Variants in NPAP1 observed in about 807,000 individuals in gnomAD.
NPAP1 encodes nuclear pore associated protein 1.
For missense variants in NPAP1, 1,483 were observed against 1,454.5 expected (o/e 1.02, Z -0.32); for synonymous variants, 616 against 581.4 (o/e 1.06, Z -0.86).
rs761376976 is a variant in NPAP1, at chr15:24,678,677, G to A, written c.2810G>A (p.Ser937Asn). The change falls in exon 1 of 1, where the codon AGT becomes AAT. Residue 937 changes from serine (S) to asparagine (N), a missense_variant. Ser to Asn is a conservative substitution (Grantham distance 46). Transcript: ENST00000329468. The part of the protein sequence containing the change: ...GLTSPSVQPL[S>N]GSIIPPGFAE... ...ACATCTCCTTCAGTCCAGCCACTGA[G>A]TGGCAGCATAATTCCACCAGGTTTT... The A allele has an allele frequency of 5.0e-6, 8 of 1,614,188 alleles. No individual in the cohort carries two copies. The highest frequency in any genetic ancestry group is 6.8e-6 in the Non-Finnish European group (8 of 1,180,044).
At position 24,677,332 on chromosome 15, in the gene NPAP1, G is replaced by A. The variant is rs985014707; in HGVS notation, c.1465G>A (p.Gly489Arg). ...AGGAGGCTCTTATAATTCAGTCGTAGGAGCAGCGCCTCTCACTTCTGACCC... is the reference window on the plus strand; with the variant it reads ...AGGAGGCTCTTATAATTCAGTCGTAAGAGCAGCGCCTCTCACTTCTGACCC... ...EKGGSYNSVV[G>R]AAPLTSDPPT... Residue 489 changes from glycine (G) to arginine (R), a missense_variant, in exon 1 of 1, where the codon GGA (glycine) becomes AGA (arginine). Transcript: ENST00000329468. 6.2e-7 allele frequency: 1 copy of A among 1,613,998 alleles called. No homozygotes were observed. Among genetic ancestry groups the A allele is most frequent in the South Asian group, 1.1e-5 (1 of 91,078 alleles).
In NPAP1 at chr15:24,677,617, T is replaced by A. The variant is rs374388831; in HGVS notation, c.1750T>A (p.Ser584Thr). The A allele has an allele frequency of 8.6e-5, 139 of 1,614,016 alleles. No homozygotes were observed. The highest frequency in any genetic ancestry group is 1.1e-4 in the Non-Finnish European group (135 of 1,180,040). The change falls in exon 1 of 1, where the codon TCT becomes ACT. Residue 584 changes from serine (S) to threonine (T), a missense_variant. Transcript: ENST00000329468. ...AGTTAATATGGATACTACTGCCCCA[T>A]CTCAGGTTGTTATTTTCACATCTTC... is the stretch of plus-strand genomic sequence containing the variant. ...EVVNMDTTAPSQVVIFTSSLS... is the reference protein window; with the variant it reads ...EVVNMDTTAPTQVVIFTSSLS...
At position 24,678,968 on chromosome 15, in the gene NPAP1, G is replaced by A. The variant is rs766369298; in HGVS notation, c.3101G>A (p.Gly1034Glu). 5 of 1,613,996 alleles carry A rather than the reference G, an allele frequency of 3.1e-6. No individual in the cohort carries two copies. The Admixed American group carries it at 5.0e-5, about 16-fold the overall frequency. ...MSAPGPSSTS[G>E]ELNIGQGQSG... is the part of the protein sequence containing the mutation. ...GCCCCAGGCCCCAGTTCCACATCAG[G>A]AGAACTCAACATTGGACAAGGACAG... The change falls in exon 1 of 1, where the codon GGA (glycine) becomes GAA (glutamate). Residue 1034 changes from glycine (G) to glutamate (E), a missense_variant. Gly to Glu is a moderately conservative substitution (Grantham distance 98, BLOSUM62 -2). Transcript: ENST00000329468.
rs2141309097 is a variant in NPAP1, at chr15:24,676,907, A to G, written c.1040A>G (p.Asp347Gly). Residue 347 changes from aspartate to glycine, a missense_variant, in exon 1 of 1, where the codon GAT becomes GGT. Coordinates refer to ENST00000329468, the MANE Select transcript of NPAP1 (RefSeq NM_018958.3). ...PLPPSLPLLW[D>G]RGELPPPAKL... ...CCCCCTTCACTGCCATTGCTGTGGG[A>G]TCGAGGTGAGCTTCCCCCACCTGCT... 6.2e-7 allele frequency: 1 copy of G among 1,613,666 alleles called. No individual in the cohort carries two copies. Among genetic ancestry groups the G allele is most frequent in the East Asian group, 2.2e-5 (1 of 44,858 alleles).
chr15:24,677,559 C>G lies in NPAP1; in HGVS notation c.1692C>G (p.His564Gln), dbSNP rs762577509. ...CTGTCACAACAAACGCATCTGCCCACCTAACCTCACAGACTGCGGTAGACC... is the reference window on the plus strand; with the variant it reads ...CTGTCACAACAAACGCATCTGCCCAGCTAACCTCACAGACTGCGGTAGACC... ...ISTVTTNASA[H>Q]LTSQTAVDPE... Residue 564 changes from histidine (H) to glutamine (Q), a missense_variant, in exon 1 of 1, where the codon CAC becomes CAG. By Grantham distance (24) the His-to-Gln change is conservative. Coordinates refer to ENST00000329468, the MANE Select transcript of NPAP1 (RefSeq NM_018958.3). The G allele has an allele frequency of 1.9e-6, 3 of 1,614,066 alleles. No individual in the cohort carries two copies. Among genetic ancestry groups the G allele is most frequent in the African/African-American group, 1.3e-5 (1 of 74,932 alleles).
At position 24,679,448 on chromosome 15, in the gene NPAP1, C is replaced by T; in HGVS notation, c.*110C>T. 1 of 816,232 alleles carries T rather than the reference C, an allele frequency of 1.2e-6. No homozygotes were observed. The highest frequency in any genetic ancestry group is 2.0e-6 in the Non-Finnish European group (1 of 501,462). 50.6% of individuals were successfully genotyped at this position (816,232 alleles called of 1,614,324 possible). ...TTTCATCTTCATGCCAAGCACCTGCCATGTACCTCTCCAGAACTCAGGTTG... is the reference window on the plus strand; with the variant it reads ...TTTCATCTTCATGCCAAGCACCTGCTATGTACCTCTCCAGAACTCAGGTTG... On this transcript the variant is annotated 3_prime_UTR_variant, in exon 1 of 1. Transcript: ENST00000329468.
rs2141308224 is a variant in NPAP1 at position 24,676,532 on chromosome 15, G to A, written c.665G>A (p.Ser222Asn). 6.2e-7 allele frequency: 1 copy of A among 1,614,138 alleles called. No homozygotes were observed. The highest frequency in any genetic ancestry group is 1.1e-5 in the South Asian group (1 of 91,084). ...CACAAGTTCTCAGAAAACAGCATGA[G>A]TGAGAAGGCCCAGGCGTCTCCAGCG... ...VYHKFSENSM[S>N]EKAQASPASS... Residue 222 changes from serine (S) to asparagine (N), a missense_variant, in exon 1 of 1, where the codon AGT (serine) becomes AAT (asparagine). Coordinates refer to ENST00000329468, the MANE Select transcript of NPAP1 (RefSeq NM_018958.3).
At position 24,679,520 on chromosome 15, in the gene NPAP1, A is replaced by G; in HGVS notation, c.*182A>G. ...CATCCCTGTGCTCCCTTTCTCTGTCAGTACACATGGGTCCCACCTGGACAA... is the reference window on the plus strand; with the variant it reads ...CATCCCTGTGCTCCCTTTCTCTGTCGGTACACATGGGTCCCACCTGGACAA... On this transcript the variant is annotated 3_prime_UTR_variant, in exon 1 of 1. Coordinates refer to ENST00000329468, the MANE Select transcript of NPAP1 (RefSeq NM_018958.3). 1 of 614,340 alleles carries G rather than the reference A, an allele frequency of 1.6e-6. No homozygotes were observed. Among genetic ancestry groups the G allele is most frequent in the Non-Finnish European group, 3.0e-6 (1 of 338,654 alleles). 38.1% of individuals were successfully genotyped at this position (614,340 alleles called of 1,614,324 possible).
In NPAP1 at chr15:24,677,240, T is replaced by G. The variant is rs1566756061; in HGVS notation, c.1373T>G (p.Ile458Ser). The change falls in exon 1 of 1, where the codon ATC (isoleucine) becomes AGC (serine). Residue 458 changes from isoleucine to serine, a missense_variant. Coordinates refer to ENST00000329468, the MANE Select transcript of NPAP1 (RefSeq NM_018958.3). ...PKMDEKIAFT[I>S]PNSPLALPAD... ...ATGGATGAGAAAATAGCATTCACAA[T>G]CCCTAACTCTCCTCTGGCTCTTCCT... 4 of 1,614,036 alleles carry G rather than the reference T, an allele frequency of 2.5e-6. No homozygotes were observed. The highest frequency in any genetic ancestry group is 2.5e-6 in the Non-Finnish European group (3 of 1,180,024).
Position 24,681,373 on chromosome 15 carries a change from A to G in NPAP1, c.*2035A>G, listed in dbSNP as rs1158722929. 3 of 162,686 alleles carry G rather than the reference A, an allele frequency of 1.8e-5. No individual in the cohort carries two copies. The allele number at this position is 162,686 out of a possible 1,614,324, so 10.1% of individuals were successfully genotyped here. On this transcript the variant is annotated 3_prime_UTR_variant, in exon 1 of 1. Coordinates refer to ENST00000329468, the MANE Select transcript of NPAP1 (RefSeq NM_018958.3). ...TAGGGATGGATAGACGGATGGATAGATTAGATGATAGATAGATAGATAGAT... is the reference window on the plus strand; with the variant it reads ...TAGGGATGGATAGACGGATGGATAGGTTAGATGATAGATAGATAGATAGAT...
Position 24,681,816 on chromosome 15 carries a change from T to TAATAGATAGATAGATA in NPAP1, c.*2478_*2479insAATAGATAGATAGATA, listed in dbSNP as rs1555368450. On this transcript the variant is annotated 3_prime_UTR_variant, in exon 1 of 1. Coordinates refer to ENST00000329468, the MANE Select transcript of NPAP1 (RefSeq NM_018958.3). ...TACATAGATAGATGATAGAGATAGA[T>TAATAGATAGATAGATA]GATAGATAGATAGATAGATAGATAG... is the stretch of plus-strand genomic sequence containing the variant. The TAATAGATAGATAGATA allele has an allele frequency of 6.1e-6, 1 of 164,848 alleles. No individual in the cohort carries two copies. Among genetic ancestry groups the TAATAGATAGATAGATA allele is most frequent in the African/African-American group, 2.4e-5 (1 of 40,832 alleles). 10.2% of individuals were successfully genotyped at this position (164,848 alleles called of 1,614,324 possible).
Position 24,677,524 on chromosome 15 carries a change from G to A in NPAP1, c.1657G>A (p.Val553Ile), listed in dbSNP as rs2048985063. 6.2e-7 allele frequency: 1 copy of A among 1,613,960 alleles called. No individual in the cohort carries two copies. The change falls in exon 1 of 1, where the codon GTC (valine) becomes ATC (isoleucine). Residue 553 changes from valine (V) to isoleucine (I), a missense_variant. Val to Ile is a conservative substitution (Grantham distance 29). Coordinates refer to ENST00000329468, the MANE Select transcript of NPAP1 (RefSeq NM_018958.3). ...ITSKPMNSTS[V>I]ISTVTTNASA... ...CAGCAAGCCTATGAATTCCACGTCAGTCATTTCCACTGTCACAACAAACGC... is the reference window on the plus strand; with the variant it reads ...CAGCAAGCCTATGAATTCCACGTCAATCATTTCCACTGTCACAACAAACGC...
Position 24,676,131 on chromosome 15 carries a change from G to A in NPAP1, c.264G>A (p.Val88=), listed in dbSNP as rs1288931573. The change falls in exon 1 of 1, where the codon GTG becomes GTA. Residue 88 remains valine (V), a synonymous_variant. Transcript: ENST00000329468. ...AAAPLGVLPA[V]GWGLAIRKTP... ...CCCCTCTGGGGGTCCTGCCGGCTGTGGGTTGGGGGCTGGCCATCAGGAAGA... is the reference window on the plus strand; with the variant it reads ...CCCCTCTGGGGGTCCTGCCGGCTGTAGGTTGGGGGCTGGCCATCAGGAAGA... 2 of 1,574,114 alleles carry A rather than the reference G, an allele frequency of 1.3e-6. No homozygotes were observed. The highest frequency in any genetic ancestry group is 1.7e-6 in the Non-Finnish European group (2 of 1,161,988).
rs372009647 is a variant in NPAP1 at position 24,678,674 on chromosome 15, T to G, written c.2807T>G (p.Leu936Arg). ...IGLTSPSVQPLSGSIIPPGFA... is the reference protein window; with the variant it reads ...IGLTSPSVQPRSGSIIPPGFA... The stretch of plus-strand genomic sequence containing the variant: ...TTAACATCTCCTTCAGTCCAGCCAC[T>G]GAGTGGCAGCATAATTCCACCAGGT... The change falls in exon 1 of 1, where the codon CTG becomes CGG. Residue 936 changes from leucine (L) to arginine (R), a missense_variant. Transcript: ENST00000329468. 3.1e-6 allele frequency: 5 copies of G among 1,614,086 alleles called. No homozygotes were observed. The highest frequency in any genetic ancestry group is 1.1e-5 in the South Asian group (1 of 91,088).
In NPAP1 at chr15:24,682,809, C is replaced by G. The variant is rs761259706; in HGVS notation, c.*3471C>G. On this transcript the variant is annotated 3_prime_UTR_variant, in exon 1 of 1. Transcript: ENST00000329468. ...TATTGTTTACTTGACTGAATCCCTT[C>G]CTTTTCCAGAAACCTTGAGCCTCCT... The G allele has an allele frequency of 6.0e-6, 1 of 167,050 alleles. No homozygotes were observed. The highest frequency in any genetic ancestry group is 1.5e-5 in the Non-Finnish European group (1 of 68,114). The allele number at this position is 167,050 out of a possible 1,614,324, so 10.3% of individuals were successfully genotyped here. A position where few individuals can be genotyped will look rare whatever the true frequency, so the allele number is the denominator to read the frequency against.
chr15:24,676,024 C>G lies in NPAP1; in HGVS notation c.157C>G (p.Arg53Gly), dbSNP rs748668348. The G allele has an allele frequency of 6.3e-7, 1 of 1,597,910 alleles. No homozygotes were observed. The highest frequency in any genetic ancestry group is 8.5e-7 in the Non-Finnish European group (1 of 1,173,558). Reference sequence around the variant, plus strand: ...GCGCCCTTTCCGCGGCCTGTTCCGCCGGAACGCCCGTCGCAGGCCTTCAGC... The same window carrying G: ...GCGCCCTTTCCGCGGCCTGTTCCGCGGGAACGCCCGTCGCAGGCCTTCAGC... ...TPRPFRGLFR[R>G]NARRRPSAAS... The change falls in exon 1 of 1, where the codon CGG (arginine) becomes GGG (glycine). Residue 53 changes from arginine to glycine, a missense_variant. Transcript: ENST00000329468.
chr15:24,675,820 A>G lies in NPAP1; in HGVS notation c.-48A>G, dbSNP rs1429211575. 3.1e-6 allele frequency: 4 copies of G among 1,310,682 alleles called. No homozygotes were observed. Among genetic ancestry groups the G allele is most frequent in the Non-Finnish European group, 4.1e-6 (4 of 981,240 alleles). The allele number at this position is 1,310,682 out of a possible 1,614,324, so 81.2% of individuals were successfully genotyped here. A position where few individuals can be genotyped will look rare whatever the true frequency, so the allele number is the denominator to read the frequency against. On this transcript the variant is annotated 5_prime_UTR_variant, in exon 1 of 1. Transcript: ENST00000329468. ...AGGAGGCGGTGGCTGAGGAGAGTTGAGTCCACTGCTGACCCTGTTTTACGG... is the reference window on the plus strand; with the variant it reads ...AGGAGGCGGTGGCTGAGGAGAGTTGGGTCCACTGCTGACCCTGTTTTACGG...
rs1209551646 is a variant in NPAP1 at position 24,677,602 on chromosome 15, G to T, written c.1735G>T (p.Asp579Tyr). ...TAVDPEVVNMDTTAPSQVVIF... is the reference protein window; with the variant it reads ...TAVDPEVVNMYTTAPSQVVIF... ...GGTAGACCCTGAAGTAGTTAATATG[G>T]ATACTACTGCCCCATCTCAGGTTGT... Residue 579 changes from aspartate to tyrosine, a missense_variant, in exon 1 of 1, where the codon GAT becomes TAT. Transcript: ENST00000329468. 1 of 1,614,072 alleles carries T rather than the reference G, an allele frequency of 6.2e-7. No individual in the cohort carries two copies. The highest frequency in any genetic ancestry group is 8.5e-7 in the Non-Finnish European group (1 of 1,180,006).
At position 24,678,648 on chromosome 15, in the gene NPAP1, C is replaced by G. The variant is rs149131090; in HGVS notation, c.2781C>G (p.Gly927=). 1.2e-6 allele frequency: 2 copies of G among 1,614,092 alleles called. No homozygotes were observed. The highest frequency in any genetic ancestry group is 1.1e-5 in the South Asian group (1 of 91,076). Residue 927 remains glycine (G), a synonymous_variant, in exon 1 of 1, where the codon GGC becomes GGG. Transcript: ENST00000329468. ...CAGCAACCCCAGCACCAGTTATAGGCTTAACATCTCCTTCAGTCCAGCCAC... is the reference window on the plus strand; with the variant it reads ...CAGCAACCCCAGCACCAGTTATAGGGTTAACATCTCCTTCAGTCCAGCCAC... ...GNPATPAPVI[G]LTSPSVQPLS... is the part of the protein sequence containing the mutation.
Sources: allele counts gnomAD v4.1 joint callset, GRCh38; gene constraint gnomAD v4.1.1; transcripts MANE v1.5; gene names NCBI Gene and HGNC (gene_info 2026-07-23, HGNC 2026-07-21).